Variants in SLCO6A1 observed in about 807,000 individuals in gnomAD.
SLCO6A1 encodes the protein cancer/testis antigen 48.
In SLCO6A1, 65 loss-of-function variants were observed where a neutral mutation model predicts 72.7. The ratio of observed to expected loss-of-function variants is 0.89; its 90% confidence interval spans 0.73 to 1.10. The LOEUF is 1.10. Ranked by LOEUF, SLCO6A1 falls within the 50% of genes least tolerant of loss-of-function variation. SLCO6A1 has a pLI of 0.00. For missense variants in SLCO6A1, 874 were observed against 872.6 expected, an observed-to-expected ratio of 1.00 and a Z score of -0.02; for synonymous variants, 314 against 298.2, an observed-to-expected ratio of 1.05 and a Z score of -0.55.
intron 1 of SLCO6A1, among the ~76,000 whole-genome samples, chr5:102,489,528 T>C (rs1246508820): frequency 6.6e-6 from 1 of 151,860 alleles, no homozygotes; most frequent in East Asian, 1.9e-4. Context: ...ACATCACTAA[T>C]CATCAGGGGA....
At chr5:102,467,162 T>C (rs1362567546) in intron 4 of SLCO6A1, among the ~76,000 whole-genome samples, 1 of 152,262 alleles carries the variant, frequency 6.6e-6, no homozygotes, top group Non-Finnish European at 1.5e-5. Context: ...TACATTTAAG[T>C]CTTTAATCCA....
intron 8 of SLCO6A1, among the ~76,000 whole-genome samples, chr5:102,414,430 G>C (rs541659322): frequency 1.1e-4 from 17 of 152,222 alleles, no homozygotes; most frequent in Admixed American, 9.2e-4. Flanking sequence ...AATTGGAAAA[G>C]AGAAAGTCAA....
At chr5:102,387,188 A>G (rs1257953545) in intron 12 of SLCO6A1, among the ~76,000 whole-genome samples, 1 of 152,198 alleles carries the variant, frequency 6.6e-6, no homozygotes, top group Non-Finnish European at 1.5e-5. Flanking sequence ...TATATTTTTA[A>G]TAAGAACACC....
At chr5:102,401,783 C>T (rs1295509757) in intron 9 of SLCO6A1, among the ~76,000 whole-genome samples, 1 of 152,120 alleles carries the variant, frequency 6.6e-6, no homozygotes, top group African/African-American at 2.4e-5. Context: ...CTTGCTTTCC[C>T]TGTCTTCCTG....
chr5:102,417,295 A>G (rs1447900187), intron 8 of SLCO6A1, among the ~76,000 whole-genome samples: 2 of 151,930 alleles, frequency 1.3e-5, no homozygotes, highest in Non-Finnish European at 2.9e-5. Flanking sequence ...TTCAAAATAA[A>G]GATTATCTCC....
rs553812723 is a variant in SLCO6A1 at position 102,393,374 on chromosome 5, C to A, written c.1815-2329G>T. On this transcript the variant is annotated intron_variant, in intron 10 of 13. Transcript: ENST00000506729. Reference sequence around the variant, plus strand: ...TCTCAACTTTTGCCCCCATCACCCTCCATGCTCATTACATTCTGTAATATG... The same window carrying A: ...TCTCAACTTTTGCCCCCATCACCCTACATGCTCATTACATTCTGTAATATG... Among the ~76,000 whole-genome samples, 10 of 152,272 alleles carry A rather than the reference C, an allele frequency of 6.6e-5. No homozygotes were observed. The South Asian group carries it at 2.1e-3, about 32-fold the overall frequency.
Position 102,426,776 on chromosome 5 carries a change from C to A in SLCO6A1, c.1277-6755G>T, listed in dbSNP as rs556220308. ...AGCAATCCCATTACTGCTTATATAT[C>A]CAAAGGATTATAAATAATTCTACAA... On this transcript the variant is annotated intron_variant, in intron 7 of 13. Coordinates refer to ENST00000506729, the MANE Select transcript of SLCO6A1 (RefSeq NM_173488.5). Among the ~76,000 whole-genome samples, 20 of 152,298 alleles carry A rather than the reference C, an allele frequency of 1.3e-4. No homozygotes were observed. The South Asian group carries it at 4.1e-3, about 32-fold the overall frequency.
At chr5:102,397,855 T>A (rs1747181936) in intron 10 of SLCO6A1, among the ~76,000 whole-genome samples, 1 of 152,144 alleles carries the variant, frequency 6.6e-6, no homozygotes, top group Non-Finnish European at 1.5e-5. Context: ...ATAATTGTAC[T>A]GAAACTATAG....
chr5:102,373,601 G>T (rs1389113028), intron 12 of SLCO6A1, 107 bp from the exon 13 acceptor site: 3 of 712,542 alleles, frequency 4.2e-6, no homozygotes, highest in Non-Finnish European at 6.1e-6. Flanking sequence ...ACCTATAAAG[G>T]TATAAATTTC....
intron 1 of SLCO6A1, among the ~76,000 whole-genome samples, chr5:102,488,400 G>C (rs547901004): frequency 1.2e-4 from 19 of 152,254 alleles, no homozygotes; most frequent in African/African-American, 4.1e-4. Context: ...TTTTTCACGA[G>C]TTTCCAAATA....
At chr5:102,380,721 C>A (rs1746058134) in intron 12 of SLCO6A1, among the ~76,000 whole-genome samples, 1 of 151,956 alleles carries the variant, frequency 6.6e-6, no homozygotes, top group Admixed American at 6.6e-5. Flanking sequence ...CCTACTGTGA[C>A]TAAGGAACTA....
chr5:102,419,020 T>C (rs1444939453), intron 8 of SLCO6A1, among the ~76,000 whole-genome samples: 2 of 152,160 alleles, frequency 1.3e-5, no homozygotes, highest in Non-Finnish European at 2.9e-5. Flanking sequence ...GTAATCTTAC[T>C]AGATGCTTTT....
At chr5:102,445,728 T>C (rs72779982) in intron 6 of SLCO6A1, among the ~76,000 whole-genome samples, 10,916 of 152,270 alleles carry the variant, frequency 0.072, 450 homozygotes, top group African/African-American at 0.1. Context: ...ATTTAATCCA[T>C]CTTAAGTTGA....
chr5:102,398,133 T>C (rs1027994185), intron 10 of SLCO6A1, among the ~76,000 whole-genome samples: 1 of 152,310 alleles, frequency 6.6e-6, no homozygotes, highest in Non-Finnish European at 1.5e-5. Context: ...GATATAATCA[T>C]AGATTTCTCC....
chr5:102,481,769 C>G (rs1752207957), intron 1 of SLCO6A1, among the ~76,000 whole-genome samples: 1 of 152,158 alleles, frequency 6.6e-6, no homozygotes, highest in African/African-American at 2.4e-5. Context: ...AAGAGAGGTA[C>G]ACAGTCTAAT....
intron 12 of SLCO6A1, among the ~76,000 whole-genome samples, chr5:102,376,598 T>G (rs552518838): frequency 3.3e-5 from 5 of 152,108 alleles, no homozygotes; most frequent in Non-Finnish European, 5.9e-5. Context: ...CCTACAAATT[T>G]TAGCATCCCT....
chr5:102,469,744 A>T (rs1203848016), intron 4 of SLCO6A1, among the ~76,000 whole-genome samples: 1 of 152,176 alleles, frequency 6.6e-6, no homozygotes, highest in Non-Finnish European at 1.5e-5. Context: ...GCCGGTTTTC[A>T]AAGGGAATGC....
At chr5:102,409,849 G>T (rs1405518212) in intron 9 of SLCO6A1, among the ~76,000 whole-genome samples, 2 of 152,112 alleles carry the variant, frequency 1.3e-5, no homozygotes, top group African/African-American at 4.8e-5. Flanking sequence ...AAGGACGCAG[G>T]GGTTACAGCT....
intron 12 of SLCO6A1, among the ~76,000 whole-genome samples, chr5:102,375,376 G>C (rs1487748254): frequency 1.3e-5 from 2 of 152,128 alleles, no homozygotes; most frequent in African/African-American, 4.8e-5. Flanking sequence ...AGTTGAGTCA[G>C]AAATTTAATT....
Sources: allele counts gnomAD v4.1 joint callset (sites outside exome capture counted in the v4.1 genomes callset), GRCh38; gene constraint gnomAD v4.1.1; transcripts MANE v1.5; gene names NCBI Gene and HGNC (gene_info 2026-07-23, HGNC 2026-07-21).